Variants in TMEM44 observed in about 807,000 individuals in gnomAD.
TMEM44 encodes the protein transmembrane protein 44.
A neutral mutation model predicts 47.8 loss-of-function variants in TMEM44; 43 were observed. The observed-to-expected ratio is 0.90, with a 90% confidence interval of 0.70 to 1.16. The LOEUF is 1.16. Ranked by LOEUF, TMEM44 falls within the 50% of genes most tolerant of loss-of-function variation. The probability of loss-of-function intolerance (pLI) is 0.00; values close to 1 mark genes in which losing one functional copy is unlikely to be tolerated. For synonymous variants in TMEM44, 277 were observed against 238.8 expected, an observed-to-expected ratio of 1.16 and a Z score of -1.48; for missense variants, 568 against 555.2, an observed-to-expected ratio of 1.02 and a Z score of -0.23.
chr3:194,610,262 C>T (rs527678951), intron 8 of TMEM44, among the ~76,000 whole-genome samples: 15 of 151,924 alleles, frequency 9.9e-5, no homozygotes, highest in South Asian at 8.3e-4. Flanking sequence ...CTAAACGACC[C>T]GACCCCTGCC....
chr3:194,618,204 G>A (rs765155689), intron 5 of TMEM44, among the ~76,000 whole-genome samples: 125 of 152,234 alleles, frequency 8.2e-4, no homozygotes, highest in Admixed American at 1.6e-3. Context: ...GGGAAGATCC[G>A]AAAAATGAGA....
At position 194,588,567 on chromosome 3, in the gene TMEM44, C is replaced by T; in HGVS notation, c.1249G>A (p.Asp417Asn). 14 of 1,614,204 alleles carry T rather than the reference C, an allele frequency of 8.7e-6. No homozygotes were observed. The highest frequency in any genetic ancestry group is 1.1e-5 in the Non-Finnish European group (13 of 1,180,032). ...CTCAGGTGTGCTGTCCTCACAGAGT[C>T]CTGGTGCACCTGGGATCCCAGTAGC... ...VELLGSQVHQ[D>N]SVRTAHLSDD... Residue 417 changes from aspartate to asparagine, a missense_variant, in exon 10 of 10, where the codon GAC (aspartate) becomes AAC (asparagine). By Grantham distance (23) the Asp-to-Asn change is conservative. Coordinates refer to ENST00000347147, the MANE Select transcript of TMEM44 (RefSeq NM_001011655.3).
intron 3 of TMEM44, among the ~76,000 whole-genome samples, chr3:194,624,594 A>T (rs369706868): frequency 6.6e-6 from 1 of 150,882 alleles, no homozygotes; most frequent in East Asian, 2.0e-4. Flanking sequence ...ACTTTTTAAA[A>T]TGTTTGTAGA....
chr3:194,603,474 T>C (rs887173140), intron 9 of TMEM44, among the ~76,000 whole-genome samples: 1 of 151,162 alleles, frequency 6.6e-6, no homozygotes, highest in Non-Finnish European at 1.5e-5. Flanking sequence ...CTTGGCTCAC[T>C]GTAATTTCCA....
intron 9 of TMEM44, among the ~76,000 whole-genome samples, chr3:194,603,036 C>A (rs941977008): frequency 6.6e-6 from 1 of 152,216 alleles, no homozygotes; most frequent in South Asian, 2.1e-4. Context: ...GTCCTCTCCC[C>A]GCACCAAAAG....
intron 9 of TMEM44, among the ~76,000 whole-genome samples, chr3:194,599,699 C>T (rs1452786097): frequency 6.6e-6 from 1 of 151,612 alleles, no homozygotes; most frequent in Admixed American, 6.6e-5. Flanking sequence ...ATTCTCCTGC[C>T]TCAGCCTCCT....
Position 194,615,716 on chromosome 3 carries a change from A to C in TMEM44, c.784-19T>G. ...AAATAATCTGAGATGGTGTAAGTTA[A>C]GGTAGGAAGCAGAATATTCCAGCTG... is the stretch of plus-strand genomic sequence containing the variant. On this transcript the variant is annotated intron_variant, in intron 6 of 9. Coordinates refer to ENST00000347147, the MANE Select transcript of TMEM44 (RefSeq NM_001011655.3). The C allele has an allele frequency of 6.2e-7, 1 of 1,612,846 alleles. No homozygotes were observed. The highest frequency in any genetic ancestry group is 8.5e-7 in the Non-Finnish European group (1 of 1,179,244).
chr3:194,616,331 C>T (rs1373451987), intron 6 of TMEM44: 2 of 299,972 alleles, frequency 6.7e-6, no homozygotes, highest in Admixed American at 4.8e-5. Flanking sequence ...GGATTACAGT[C>T]GTGAGCCACC....
At position 194,628,503 on chromosome 3, in the gene TMEM44, G is replaced by A; in HGVS notation, c.144C>T (p.Leu48=). 6.2e-7 allele frequency: 1 copy of A among 1,612,678 alleles called. No homozygotes were observed. Among genetic ancestry groups the A allele is most frequent in the Non-Finnish European group, 8.5e-7 (1 of 1,179,250 alleles). ...TGGGTTTCTGTGCACATCTCAGATA[G>A]AGAAGCCTGGGGTGACAGGGGTGTG... ...SCWIAAHALL[L]YLRCAQKPRQ... Residue 48 remains leucine, a synonymous_variant, in exon 2 of 10, where the codon CTC becomes CTT. Coordinates refer to ENST00000347147, the MANE Select transcript of TMEM44 (RefSeq NM_001011655.3).
At chr3:194,618,395 T>C (rs1400341557) in intron 5 of TMEM44, among the ~76,000 whole-genome samples, 1 of 151,102 alleles carries the variant, frequency 6.6e-6, no homozygotes, top group African/African-American at 2.4e-5. Flanking sequence ...TCTGATTACA[T>C]ACTTATATAT....
chr3:194,626,122 A>C lies in TMEM44; in HGVS notation c.265-132T>G, dbSNP rs1016003055. The stretch of plus-strand genomic sequence containing the variant: ...CTTTCTTACGTACTCCTCCAGGGAC[A>C]CCTCCTGCCAACCCCGGAAAAGTCC... On this transcript the variant is annotated intron_variant, in intron 2 of 9. Transcript: ENST00000347147. The C allele has an allele frequency of 2.7e-4, 181 of 661,734 alleles. 1 individual carries two copies. Among genetic ancestry groups the C allele is most frequent in the Admixed American group, 9.6e-5 (4 of 41,720 alleles). 41.0% of individuals were successfully genotyped at this position (661,734 alleles called of 1,614,324 possible). A position where few individuals can be genotyped will look rare whatever the true frequency, so the allele number is the denominator to read the frequency against.
chr3:194,590,424 G>A lies in TMEM44; in HGVS notation c.1177-1785C>T, dbSNP rs114134040. On this transcript the variant is annotated intron_variant, in intron 9 of 9. Coordinates refer to ENST00000347147, the MANE Select transcript of TMEM44 (RefSeq NM_001011655.3). Reference sequence around the variant, plus strand: ...CAGTGAGAACATCGCATTAACTTGCGGTCGCAGACCTGGCTGGACCCCTTG... The same window carrying A: ...CAGTGAGAACATCGCATTAACTTGCAGTCGCAGACCTGGCTGGACCCCTTG... 2.0e-3 allele frequency among the ~76,000 whole-genome samples: 307 copies of A among 152,244 alleles called. 2 individuals are homozygous for A. Among genetic ancestry groups the A allele is most frequent in the African/African-American group, 6.6e-3 (276 of 41,544 alleles).
chr3:194,625,606 G>A (rs1412107280), intron 3 of TMEM44, among the ~76,000 whole-genome samples: 5 of 152,070 alleles, frequency 3.3e-5, no homozygotes, highest in African/African-American at 7.2e-5. Flanking sequence ...TCAGCTTCCC[G>A]AGTAGCTGGA....
chr3:194,592,220 G>A (rs1215042144), intron 9 of TMEM44, among the ~76,000 whole-genome samples: 2 of 66,912 alleles, frequency 3.0e-5, no homozygotes, highest in Non-Finnish European at 6.6e-5. Flanking sequence ...GCGAGACTCC[G>A]TCTCAAAAAA....
intron 3 of TMEM44, among the ~76,000 whole-genome samples, chr3:194,625,034 T>G (rs1209195268): frequency 1.3e-5 from 2 of 152,068 alleles, no homozygotes; most frequent in Admixed American, 6.6e-5. Context: ...CCCCTCTTTT[T>G]GAACAAGGGC....
At chr3:194,592,009 G>A (rs1712798508) in intron 9 of TMEM44, among the ~76,000 whole-genome samples, 1 of 152,098 alleles carries the variant, frequency 6.6e-6, no homozygotes, top group African/African-American at 2.4e-5. Flanking sequence ...ATGAGGTCAG[G>A]AGATCGAGAC....
chr3:194,631,280 C>T (rs954419848), intron 1 of TMEM44, among the ~76,000 whole-genome samples: 2 of 152,146 alleles, frequency 1.3e-5, no homozygotes, highest in Admixed American at 6.5e-5. Context: ...AATACATTGT[C>T]GTACCTGCCT....
At chr3:194,599,947 A>G (rs7374603) in intron 9 of TMEM44, among the ~76,000 whole-genome samples, 2 of 151,624 alleles carry the variant, frequency 1.3e-5, no homozygotes, top group African/African-American at 4.9e-5. Context: ...TTTAGTTGAG[A>G]TGGGGTTTGA....
intron 2 of TMEM44, 70 bp from the exon 3 acceptor site, chr3:194,626,060 C>T (rs549239299): frequency 2.1e-5 from 26 of 1,263,320 alleles, no homozygotes; most frequent in South Asian, 1.2e-4. Context: ...GTTTGTCATC[C>T]GGGACCCTGT....
Sources: gnomAD v4.1 joint callset for allele counts (sites outside exome capture counted in the v4.1 genomes callset) on GRCh38, gnomAD v4.1.1 for gene constraint, MANE v1.5 for transcripts, NCBI Gene and HGNC (gene_info 2026-07-23, HGNC 2026-07-21) for gene names.